SLC35A1: variants seen among roughly 807,000 people sequenced by gnomAD.
The protein encoded by SLC35A1 is CMP-sialic acid transporter.
SLC35A1 carries 21 observed loss-of-function variants against 40.3 expected under a neutral mutation model. The ratio of observed to expected loss-of-function variants is 0.52; its 90% CI spans 0.37 to 0.75. The LOEUF (loss-of-function observed/expected upper bound fraction) is 0.75, where lower values mean the gene tolerates loss of function less well. Among genes scored for constraint, SLC35A1 ranks in the 30% least tolerant of loss-of-function variants. SLC35A1 has a pLI of 0.00. For missense variants in SLC35A1, 297 were observed against 382.1 expected (o/e 0.78, Z 1.86); for synonymous variants, 146 against 147.3 (o/e 0.99, Z 0.06).
intron 4 of SLC35A1, 101 bp from the exon 5 acceptor site, chr6:87,506,281 T>C: frequency 1.1e-6 from 1 of 912,726 alleles, no homozygotes; most frequent in South Asian, 1.3e-5. Context: ...GGAATATACT[T>C]TTAGTAAGAC....
chr6:87,476,283 A>G (rs1383186445), intron 1 of SLC35A1, among the ~76,000 whole-genome samples: 1 of 152,186 alleles, frequency 6.6e-6, no homozygotes, highest in Admixed American at 6.5e-5. Context: ...GGCTAGTTGT[A>G]AGTTCTTATT....
chr6:87,501,019 G>A, intron 3 of SLC35A1, 139 bp from the exon 4 acceptor site: 1 of 833,478 alleles, frequency 1.2e-6, no homozygotes, highest in Admixed American at 2.1e-5. Context: ...CAAAGTTCTG[G>A]GATTACAGGT....
rs566562905 is a variant in SLC35A1, at chr6:87,499,468, A to G, written c.195-1040A>G. Reference sequence around the variant, plus strand: ...CTTTATTTTTACTTTCAGGAAATCAATGAGCTGATTTATGATACAGGAAAT... The same window carrying G: ...CTTTATTTTTACTTTCAGGAAATCAGTGAGCTGATTTATGATACAGGAAAT... On this transcript the variant is annotated intron_variant, in intron 2 of 7. Coordinates refer to ENST00000369552, the MANE Select transcript of SLC35A1 (RefSeq NM_006416.5). Among the ~76,000 whole-genome samples the G allele has an allele frequency of 8.0e-4, 122 of 152,320 alleles. 1 individual carries two copies. Among genetic ancestry groups the G allele is most frequent in the African/African-American group, 2.7e-3 (112 of 41,570 alleles).
chr6:87,509,408 T>C (rs1351249173), intron 7 of SLC35A1, among the ~76,000 whole-genome samples: 1 of 152,192 alleles, frequency 6.6e-6, no homozygotes, highest in Non-Finnish European at 1.5e-5. Flanking sequence ...GCTAGTTCTA[T>C]GTGAAAGTGA....
Position 87,489,047 on chromosome 6 carries a change from T to C in SLC35A1, c.195-11461T>C, listed in dbSNP as rs116485401. Among the ~76,000 whole-genome samples the C allele has an allele frequency of 5.2e-3, 794 of 152,356 alleles. 7 individuals carry two copies. The highest frequency in any genetic ancestry group is 0.018 in the African/African-American group (737 of 41,578). ...TAGATGGGTTGCATGCCATGAGGCA[T>C]GGATATCCTAACATTCACATTAGTA... On this transcript the variant is annotated intron_variant, in intron 2 of 7. Coordinates refer to ENST00000369552, the MANE Select transcript of SLC35A1 (RefSeq NM_006416.5).
At chr6:87,481,057 G>A (rs1158474175) in intron 2 of SLC35A1, among the ~76,000 whole-genome samples, 1 of 152,126 alleles carries the variant, frequency 6.6e-6, no homozygotes, top group African/African-American at 2.4e-5. Flanking sequence ...GTAGTTTTGA[G>A]GGAAAGGAAA....
intron 2 of SLC35A1, among the ~76,000 whole-genome samples, chr6:87,480,187 C>T (rs535972221): frequency 4.6e-5 from 7 of 152,278 alleles, no homozygotes; most frequent in South Asian, 2.1e-4. Flanking sequence ...GTTAGAGACA[C>T]GAGGTAAAAT....
intron 1 of SLC35A1, among the ~76,000 whole-genome samples, chr6:87,474,010 T>A (rs1768997845): frequency 6.6e-6 from 1 of 152,262 alleles, no homozygotes; most frequent in African/African-American, 2.4e-5. Flanking sequence ...TTCTCTTATG[T>A]CTTCTTTCTG....
chr6:87,493,983 TGATA>T (rs1199213979), intron 2 of SLC35A1, among the ~76,000 whole-genome samples: 2 of 152,188 alleles, frequency 1.3e-5, no homozygotes, highest in East Asian at 1.9e-4. Flanking sequence ...ATGGCTACTT[TGATA>T]GATAAGGTTG....
intron 2 of SLC35A1, chr6:87,499,232 T>C: frequency 4.0e-6 from 2 of 497,094 alleles, no homozygotes; most frequent in Non-Finnish European, 5.2e-6. Context: ...ATTTGCAGCA[T>C]TTAAAAATGA....
At chr6:87,488,183 A>G (rs1769442286) in intron 2 of SLC35A1, 1 of 152,158 alleles carries the variant, frequency 6.6e-6, no homozygotes, top group Non-Finnish European at 1.5e-5. Flanking sequence ...CTCAGAAGAG[A>G]GGTCTGGGCT....
At chr6:87,498,427 CA>C (rs746233795) in intron 2 of SLC35A1, among the ~76,000 whole-genome samples, 1 of 151,948 alleles carries the variant, frequency 6.6e-6, no homozygotes, top group South Asian at 2.1e-4. Flanking sequence ...CTAATTTTTT[CA>C]TCAGTTTTAT....
intron 2 of SLC35A1, among the ~76,000 whole-genome samples, chr6:87,491,970 CA>C (rs1307481437): frequency 6.6e-6 from 1 of 152,196 alleles, no homozygotes; most frequent in Non-Finnish European, 1.5e-5. Context: ...TAGCCCATAG[CA>C]CATTACACAT....
chr6:87,482,045 G>A (rs541380931), intron 2 of SLC35A1, among the ~76,000 whole-genome samples: 35 of 152,090 alleles, frequency 2.3e-4, no homozygotes, highest in Admixed American at 2.3e-3. Context: ...TTTACATTCA[G>A]GAGGCCTAAT....
chr6:87,498,596 C>A (rs1032442801), intron 2 of SLC35A1, among the ~76,000 whole-genome samples: 1 of 152,012 alleles, frequency 6.6e-6, no homozygotes, highest in Non-Finnish European at 1.5e-5. Flanking sequence ...AACATGGAAA[C>A]CCCGTCTCTA....
intron 2 of SLC35A1, among the ~76,000 whole-genome samples, chr6:87,481,474 C>T (rs1054710751): frequency 6.6e-6 from 1 of 151,802 alleles, no homozygotes; most frequent in African/African-American, 2.4e-5. Context: ...TCCTTAGTGC[C>T]TTCTTCCTGA....
intron 4 of SLC35A1, 37 bp from the exon 5 acceptor site, chr6:87,506,345 T>C (rs1202178127): frequency 1.3e-6 from 2 of 1,510,084 alleles, no homozygotes; most frequent in Non-Finnish European, 1.8e-6. Context: ...CTCTGTTTAT[T>C]AGTCACTAAA....
chr6:87,486,114 G>A (rs1362909413), intron 2 of SLC35A1, among the ~76,000 whole-genome samples: 1 of 152,186 alleles, frequency 6.6e-6, no homozygotes, highest in African/African-American at 2.4e-5. Flanking sequence ...TTATAGAGCA[G>A]TCCATTTGGT....
At chr6:87,511,291 G>A in intron 7 of SLC35A1, 108 bp from the exon 8 acceptor site, 2 of 1,176,004 alleles carry the variant, frequency 1.7e-6, no homozygotes, top group Non-Finnish European at 2.5e-6. Context: ...ATAAAAATAT[G>A]ATCTGATAGT....
Sources: allele counts gnomAD v4.1 joint callset (sites outside exome capture counted in the v4.1 genomes callset), GRCh38; gene constraint gnomAD v4.1.1; transcripts MANE v1.5; gene names NCBI Gene and HGNC (gene_info 2026-07-23, HGNC 2026-07-21).